Variants in CASP1 observed in about 807,000 individuals in gnomAD.
CASP1 encodes the protein caspase-1.
Under a neutral mutation model 41.2 loss-of-function variants are expected in CASP1, and 31 were observed. The observed-to-expected ratio is 0.75, with a 90% CI of 0.57 to 1.02. CASP1 has a LOEUF of 1.02. Among genes scored for constraint, CASP1 ranks in the 50% least tolerant of loss-of-function variants. The pLI is 0.00. For missense variants in CASP1, 490 were observed against 495.7 expected (o/e 0.99, Z 0.11); for synonymous variants, 163 against 166.5 (o/e 0.98, Z 0.16).
rs1271060657 is a variant in CASP1 at position 105,029,231 on chromosome 11, C to G, written c.899G>C (p.Gly300Ala). ...TGGTAAAGATAGGTTTCCAGAAACT[C>G]CTACTGAATCTTTAAACCACACCAC... The part of the protein sequence containing the change: ...PGVVWFKDSV[G>A]VSGNLSLPTT... The change falls in exon 7 of 9, where the codon GGA (glycine) becomes GCA (alanine). Residue 300 changes from glycine (G) to alanine (A), a missense_variant. By Grantham distance (60) the Gly-to-Ala change is moderately conservative. Coordinates refer to ENST00000533400, the MANE Select transcript of CASP1 (RefSeq NM_001257118.3). 1 of 1,612,994 alleles carries G rather than the reference C, an allele frequency of 6.2e-7. No individual in the cohort carries two copies. Among genetic ancestry groups the G allele is most frequent in the Admixed American group, 1.7e-5 (1 of 59,880 alleles).
intron 2 of CASP1, chr11:105,033,998 G>A: frequency 1.2e-6 from 1 of 868,812 alleles, no homozygotes; most frequent in Non-Finnish European, 1.9e-6. Context: ...AACAGGAAAT[G>A]AGCTTTAATC....
chr11:105,027,652 C>A (rs560880), intron 7 of CASP1, among the ~76,000 whole-genome samples: 23,157 of 151,962 alleles, frequency 0.15, 2,015 homozygotes, highest in Admixed American at 0.25. Context: ...TTAGCCAGTT[C>A]TAATGGTCAT....
chr11:105,026,817 A>C (rs1863321559), intron 8 of CASP1, 25 bp downstream of exon 8: 1 of 1,180,584 alleles, frequency 8.5e-7, no homozygotes, highest in East Asian at 2.3e-5. Context: ...AAGTAGAGTG[A>C]AAATAGCATC....
In CASP1 at chr11:105,026,339, C is replaced by G. The variant is rs762090755; in HGVS notation, c.1134G>C (p.Glu378Asp). 1 of 1,610,430 alleles carries G rather than the reference C, an allele frequency of 6.2e-7. No individual in the cohort carries two copies. Among genetic ancestry groups the G allele is most frequent in the Non-Finnish European group, 8.5e-7 (1 of 1,177,468 alleles). The change falls in exon 9 of 9, where the codon GAG (glutamate) becomes GAC (aspartate). Residue 378 changes from glutamate to aspartate, a missense_variant. Glu to Asp is a conservative substitution (Grantham distance 45). Transcript: ENST00000533400. ...GCATCTGCGCTCTACCATCTGGCTGCTCAAATGAAAATCGAACCTAAAAGA... is the reference window on the plus strand; with the variant it reads ...GCATCTGCGCTCTACCATCTGGCTGGTCAAATGAAAATCGAACCTAAAAGA... Reference protein sequence around the residue: ...EIFRKVRFSFEQPDGRAQMPT... With the variant: ...EIFRKVRFSFDQPDGRAQMPT...
intron 8 of CASP1, 163 bp from the exon 9 acceptor site, chr11:105,026,519 A>G: frequency 1.6e-6 from 1 of 607,842 alleles, no homozygotes; most frequent in East Asian, 2.7e-5. Context: ...GTATGTAAGC[A>G]TTGAATGACC....
chr11:105,032,183 C>A (rs920860683), intron 3 of CASP1, among the ~76,000 whole-genome samples: 1 of 151,960 alleles, frequency 6.6e-6, no homozygotes, highest in African/African-American at 2.4e-5. Context: ...ACAAAGGCAG[C>A]ATGAAATGTG....
At chr11:105,029,621 AT>A in intron 6 of CASP1, 43 bp downstream of exon 6, 2 of 1,402,040 alleles carry the variant, frequency 1.4e-6, no homozygotes, top group Non-Finnish European at 2.0e-6. Context: ...ACAGAGTAGG[AT>A]AGTATTTGAT....
chr11:105,030,947 C>T, intron 4 of CASP1: 1 of 497,802 alleles, frequency 2.0e-6, no homozygotes, highest in East Asian at 3.5e-5. Context: ...CAATAGCTGT[C>T]ATCACTGATG....
At chr11:105,033,815 C>T in intron 2 of CASP1, 1 of 511,916 alleles carries the variant, frequency 2.0e-6, no homozygotes, top group Non-Finnish European at 3.7e-6. Flanking sequence ...TGATTATAAA[C>T]CTTAAAGCTT....
chr11:105,034,213 G>A lies in CASP1; in HGVS notation c.269C>T (p.Ser90Leu), dbSNP rs745313638. Reference sequence around the variant, plus strand: ...TGTAAGTCACTGACCCTTACCTGCTGAGAGTCCCAGCGTCCCTGCCAGGTA... The same window carrying A: ...TGTAAGTCACTGACCCTTACCTGCTAAGAGTCCCAGCGTCCCTGCCAGGTA... ...DSYLAGTLGL[S>L]ADQTSGNYLN... is the part of the protein sequence containing the mutation. Residue 90 changes from serine (S) to leucine (L), a missense_variant, in exon 2 of 9, where the codon TCA becomes TTA. Coordinates refer to ENST00000533400, the MANE Select transcript of CASP1 (RefSeq NM_001257118.3). 3.1e-6 allele frequency: 5 copies of A among 1,613,968 alleles called. No individual in the cohort carries two copies. The East Asian group carries it at 1.1e-4, about 36-fold the overall frequency.
At position 105,029,931 on chromosome 11, in the gene CASP1, A is replaced by G. The variant is rs374686096; in HGVS notation, c.628-32T>C. ...GACACCATATCACTGATTTTCGACT[A>G]TGTAATTAACTATCATGGTACCTTG... On this transcript the variant is annotated intron_variant, in intron 5 of 8. Transcript: ENST00000533400. The G allele has an allele frequency of 9.0e-4, 1,307 of 1,444,784 alleles. 1 individual carries two copies. Among genetic ancestry groups the G allele is most frequent in the Non-Finnish European group, 1.2e-3 (1,224 of 1,025,868 alleles). The allele number at this position is 1,444,784 out of a possible 1,614,324, so 89.5% of individuals were successfully genotyped here.
intron 2 of CASP1, chr11:105,033,851 G>A (rs1863847658): frequency 1.7e-6 from 1 of 589,542 alleles, no homozygotes; most frequent in South Asian, 1.4e-5. Flanking sequence ...CTACATAAGT[G>A]CCTACAGACC....
At position 105,030,353 on chromosome 11, in the gene CASP1, C is replaced by G. The variant is rs750873942; in HGVS notation, c.604G>C (p.Val202Leu). Residue 202 changes from valine to leucine, a missense_variant, in exon 5 of 9, where the codon GTG becomes CTG. Physicochemically the swap from Val to Leu is conservative, Grantham distance 32. Coordinates refer to ENST00000533400, the MANE Select transcript of CASP1 (RefSeq NM_001257118.3). Reference sequence around the variant, plus strand: ...ACCGAAGCAGTGAGATTTTTTTTCACATCTACGCTGTACCCCAGATTTTGT... The same window carrying G: ...ACCGAAGCAGTGAGATTTTTTTTCAGATCTACGCTGTACCCCAGATTTTGT... ...LLQNLGYSVD[V>L]KKNLTASDMT... 1.2e-6 allele frequency: 2 copies of G among 1,612,086 alleles called. No individual in the cohort carries two copies. Among genetic ancestry groups the G allele is most frequent in the African/African-American group, 2.7e-5 (2 of 74,698 alleles).
intron 7 of CASP1, chr11:105,027,277 G>T: frequency 1.8e-6 from 1 of 540,912 alleles, no homozygotes; most frequent in East Asian, 3.0e-5. Flanking sequence ...GATAACCCAG[G>T]ATATGCAATA....
upstream of CASP1, among the ~76,000 whole-genome samples, chr11:105,036,178 T>C (rs1217527480): frequency 2.6e-5 from 4 of 152,172 alleles, no homozygotes; most frequent in Admixed American, 6.6e-5. Context: ...ATTATTATAA[T>C]TAATACAAAT....
Position 105,031,253 on chromosome 11 carries a change from G to A in CASP1, c.365C>T (p.Ala122Val), listed in dbSNP as rs774987068. The A allele has an allele frequency of 8.1e-6, 13 of 1,611,800 alleles. No homozygotes were observed. Among genetic ancestry groups the A allele is most frequent in the Non-Finnish European group, 9.3e-6 (11 of 1,178,182 alleles). The stretch of plus-strand genomic sequence containing the variant: ...TTCTGAGCCTGAGGATGTGGGCATA[G>A]CTGGGTTGTCCTGCACTGCCTGAGG... ...PAPQAVQDNPAMPTSSGSEGN... is the reference protein window; with the variant it reads ...PAPQAVQDNPVMPTSSGSEGN... The change falls in exon 4 of 9, where the codon GCT becomes GTT. Residue 122 changes from alanine to valine, a missense_variant. Physicochemically the swap from Ala to Val is moderately conservative, Grantham distance 64. Coordinates refer to ENST00000533400, the MANE Select transcript of CASP1 (RefSeq NM_001257118.3).
chr11:105,030,727 GT>G, intron 4 of CASP1: 1 of 470,984 alleles, frequency 2.1e-6, no homozygotes, highest in East Asian at 3.5e-5. Context: ...TTCTTGATAG[GT>G]AGGATTTTGA....
At chr11:105,035,474 AC>A (rs1276290241), upstream of CASP1, among the ~76,000 whole-genome samples, 3 of 152,108 alleles carry the variant, frequency 2.0e-5, no homozygotes, top group Non-Finnish European at 1.5e-5. Flanking sequence ...TGTTCCCCTG[AC>A]CCCACCTCAT....
chr11:105,026,705 A>G (rs1254094135), intron 8 of CASP1, 137 bp downstream of exon 8: 5 of 635,612 alleles, frequency 7.9e-6, no homozygotes, highest in Non-Finnish European at 1.1e-5. Flanking sequence ...TCCACTCTCC[A>G]AAGAACTCCA....
Sources: gnomAD v4.1 joint callset for allele counts (sites outside exome capture counted in the v4.1 genomes callset) on GRCh38, gnomAD v4.1.1 for gene constraint, MANE v1.5 for transcripts, NCBI Gene and HGNC (gene_info 2026-07-23, HGNC 2026-07-21) for gene names.